The following ST8SIA3 variants were observed in gnomAD, a reference collection of about 807,000 sequenced individuals.
The protein encoded by ST8SIA3 is alpha-N-acetylneuraminate alpha-2,8-sialyltransferase ST8SIA3.
ST8SIA3 carries 17 observed loss-of-function variants against 34.5 expected under a neutral mutation model. The ratio of observed to expected loss-of-function variants is 0.49; its 90% CI spans 0.34 to 0.74. ST8SIA3 has a LOEUF of 0.74. Among genes scored for constraint, ST8SIA3 ranks in the 30% least tolerant of loss-of-function variants. The pLI is 0.01. For missense variants in ST8SIA3, 354 were observed against 467.8 expected (o/e 0.76, Z 2.24); for synonymous variants, 172 against 176.1 (o/e 0.98, Z 0.19).
In ST8SIA3 at chr18:57,364,709, T is replaced by C. The variant is rs1448112637; in HGVS notation, c.*4432T>C. On this transcript the variant is annotated 3_prime_UTR_variant, in exon 4 of 4. Transcript: ENST00000324000. ...GACCTGTCTGGACTCTGTGGCCCAATTAATCGAGGCCACAGATCAGTTGGT... is the reference window on the plus strand; with the variant it reads ...GACCTGTCTGGACTCTGTGGCCCAACTAATCGAGGCCACAGATCAGTTGGT... 2 of 152,734 alleles carry C rather than the reference T, an allele frequency of 1.3e-5. No homozygotes were observed. Among genetic ancestry groups the C allele is most frequent in the East Asian group, 3.9e-4 (2 of 5,188 alleles). 9.5% of individuals were successfully genotyped at this position (152,734 alleles called of 1,614,324 possible).
rs768070918 is a variant in ST8SIA3, at chr18:57,352,810, G to T, written c.-37G>T. The T allele has an allele frequency of 6.3e-7, 1 of 1,597,584 alleles. No homozygotes were observed. Among genetic ancestry groups the T allele is most frequent in the East Asian group, 2.2e-5 (1 of 44,636 alleles). ...CGAGCTGCTGGCCGCTCAATGGACCGATTTCCCCGGTTTCCCTGAACCCAG... is the reference window on the plus strand; with the variant it reads ...CGAGCTGCTGGCCGCTCAATGGACCTATTTCCCCGGTTTCCCTGAACCCAG... On this transcript the variant is annotated 5_prime_UTR_variant, in exon 1 of 4. Coordinates refer to ENST00000324000, the MANE Select transcript of ST8SIA3 (RefSeq NM_015879.3).
chr18:57,352,611 G>T lies in ST8SIA3; in HGVS notation c.-236G>T. The T allele has an allele frequency of 1.9e-6, 1 of 521,626 alleles. No homozygotes were observed. Among genetic ancestry groups the T allele is most frequent in the East Asian group, 7.1e-5 (1 of 14,110 alleles). The allele number at this position is 521,626 out of a possible 1,614,324, so 32.3% of individuals were successfully genotyped here. On this transcript the variant is annotated 5_prime_UTR_variant, in exon 1 of 4. Transcript: ENST00000324000. ...ATCTTCCTGCTCGGCACCGGGCCCCGCGCGCCCCTGCCTACGGGGTCCCGC... is the reference window on the plus strand; with the variant it reads ...ATCTTCCTGCTCGGCACCGGGCCCCTCGCGCCCCTGCCTACGGGGTCCCGC...
At chr18:57,354,322 C>T (rs2049785630) in intron 1 of ST8SIA3, 80 bp from the exon 2 acceptor site, 5 of 1,588,874 alleles carry the variant, frequency 3.1e-6, no homozygotes, top group Non-Finnish European at 3.4e-6. Context: ...GCCCTCGCCC[C>T]AGCCGCTGCA....
chr18:57,354,439 G>A lies in ST8SIA3; in HGVS notation c.217G>A (p.Val73Met), dbSNP rs373560582. Residue 73 changes from valine to methionine, a missense_variant, in exon 2 of 4, where the codon GTG becomes ATG. Physicochemically the swap from Val to Met is conservative, Grantham distance 21. Transcript: ENST00000324000. ...FALKFLDPSFVPITNSLTQEL... is the reference protein window; with the variant it reads ...FALKFLDPSFMPITNSLTQEL... ...GCTGAAGTTTCTAGACCCGTCATTC[G>A]TGCCCATTACGAATTCTCTCACCCA... The A allele has an allele frequency of 1.2e-6, 2 of 1,614,002 alleles. No individual in the cohort carries two copies. Among genetic ancestry groups the A allele is most frequent in the African/African-American group, 1.3e-5 (1 of 74,910 alleles).
At position 57,359,231 on chromosome 18, in the gene ST8SIA3, G is replaced by A. The variant is rs374120610; in HGVS notation, c.861-764G>A. On this transcript the variant is annotated intron_variant, in intron 3 of 3. Transcript: ENST00000324000. ...CACATAGAAGCCTCAAATATTTGGC[G>A]GTGTCAGCAGGAAGGCTTCAGAGTA... 9.2e-5 allele frequency among the ~76,000 whole-genome samples: 14 copies of A among 152,072 alleles called. No homozygotes were observed. In the East Asian group the frequency reaches 2.5e-3, roughly 27 times the overall value.
At chr18:57,354,345 C>T in intron 1 of ST8SIA3, 57 bp from the exon 2 acceptor site, 1 of 1,606,894 alleles carries the variant, frequency 6.2e-7, no homozygotes, top group Non-Finnish European at 8.5e-7. Context: ...TTAATGGCTA[C>T]CTCGGCTTCC....
In ST8SIA3 at chr18:57,367,705, T is replaced by A. The variant is rs748969383; in HGVS notation, c.*7428T>A. 4.6e-5 allele frequency: 7 copies of A among 152,442 alleles called. No homozygotes were observed. Among genetic ancestry groups the A allele is most frequent in the Non-Finnish European group, 8.8e-5 (6 of 68,042 alleles). 9.4% of individuals were successfully genotyped at this position (152,442 alleles called of 1,614,324 possible). On this transcript the variant is annotated 3_prime_UTR_variant, in exon 4 of 4. Transcript: ENST00000324000. ...CAAAAAGAAGAGGGAGGTTTCCCTC[T>A]GAAGGAATCTAGACCATTTTTTAAT... is the stretch of plus-strand genomic sequence containing the variant.
In ST8SIA3 at chr18:57,356,967, T is replaced by G. The variant is rs1351115191; in HGVS notation, c.357T>G (p.Asn119Lys). Residue 119 changes from asparagine (N) to lysine (K), a missense_variant, in exon 3 of 4, where the codon AAT becomes AAG. Coordinates refer to ENST00000324000, the MANE Select transcript of ST8SIA3 (RefSeq NM_015879.3). ...DVIKNFSLTK[N>K]SVRIGQLMHY... ...TAAAAAATTTTTCTTTGACCAAGAA[T>G]AGTGTTCGGATTGGACAACTGATGC... 6.2e-7 allele frequency: 1 copy of G among 1,612,664 alleles called. No homozygotes were observed. The highest frequency in any genetic ancestry group is 2.2e-5 in the East Asian group (1 of 44,868).
chr18:57,365,144 G>A lies in ST8SIA3; in HGVS notation c.*4867G>A, dbSNP rs769396894. On this transcript the variant is annotated 3_prime_UTR_variant, in exon 4 of 4. Coordinates refer to ENST00000324000, the MANE Select transcript of ST8SIA3 (RefSeq NM_015879.3). The stretch of plus-strand genomic sequence containing the variant: ...CTGGACCTTTGATTCATAATGTCCT[G>A]GGATAAGTCCAACTTACAAAGATTC... 1.3e-5 allele frequency: 2 copies of A among 152,146 alleles called. No homozygotes were observed. The highest frequency in any genetic ancestry group is 2.9e-5 in the Non-Finnish European group (2 of 68,026). The allele number at this position is 152,146 out of a possible 1,614,324, so 9.4% of individuals were successfully genotyped here. A position where few individuals can be genotyped will look rare whatever the true frequency, so the allele number is the denominator to read the frequency against.
chr18:57,353,127 C>G, intron 1 of ST8SIA3, 102 bp downstream of exon 1: 2 of 1,194,364 alleles, frequency 1.7e-6, no homozygotes, highest in Non-Finnish European at 2.4e-6. Flanking sequence ...CTCCGAGACT[C>G]TTTGGGCCAG....
At position 57,354,457 on chromosome 18, in the gene ST8SIA3, C is replaced by G; in HGVS notation, c.235C>G (p.Leu79Val). ...DPSFVPITNS[L>V]TQELQEKPSK... ...GTCATTCGTGCCCATTACGAATTCT[C>G]TCACCCAGGAACTCCAAGAGAAACC... The change falls in exon 2 of 4, where the codon CTC (leucine) becomes GTC (valine). Residue 79 changes from leucine to valine, a missense_variant. Physicochemically the swap from Leu to Val is conservative, Grantham distance 32. This residue lies in a region of ST8SIA3 where 184 missense variants were observed against 205.4 expected (regional missense o/e 0.90). Coordinates refer to ENST00000324000, the MANE Select transcript of ST8SIA3 (RefSeq NM_015879.3). 2 of 1,614,180 alleles carry G rather than the reference C, an allele frequency of 1.2e-6. No individual in the cohort carries two copies. The highest frequency in any genetic ancestry group is 1.7e-6 in the Non-Finnish European group (2 of 1,180,030).
In ST8SIA3 at chr18:57,367,098, T is replaced by A. The variant is rs1281690221; in HGVS notation, c.*6821T>A. The A allele has an allele frequency of 6.6e-6, 1 of 152,178 alleles. No homozygotes were observed. The highest frequency in any genetic ancestry group is 1.5e-5 in the Non-Finnish European group (1 of 68,024). The allele number at this position is 152,178 out of a possible 1,614,324, so 9.4% of individuals were successfully genotyped here. On this transcript the variant is annotated 3_prime_UTR_variant, in exon 4 of 4. Transcript: ENST00000324000. ...AATGCTGGGAAAAAATATGCCTAATTCCTAGGACACAGTGAGTGGCCGTAA... is the reference window on the plus strand; with the variant it reads ...AATGCTGGGAAAAAATATGCCTAATACCTAGGACACAGTGAGTGGCCGTAA...
At chr18:57,353,076 G>A (rs763738745) in intron 1 of ST8SIA3, 51 bp downstream of exon 1, 3 of 1,582,762 alleles carry the variant, frequency 1.9e-6, no homozygotes, top group Non-Finnish European at 2.6e-6. Flanking sequence ...TTGATGGGGT[G>A]TTTGGGGAAG....
chr18:57,357,076 A>G lies in ST8SIA3; in HGVS notation c.466A>G (p.Asn156Asp), dbSNP rs1345347633. The change falls in exon 3 of 4, where the codon AAC becomes GAC. Residue 156 changes from asparagine (N) to aspartate (D), a missense_variant. This residue lies in a region of ST8SIA3 where 184 missense variants were observed against 205.4 expected (regional missense o/e 0.90). Coordinates refer to ENST00000324000, the MANE Select transcript of ST8SIA3 (RefSeq NM_015879.3). ...SLLPDVSPIM[N>D]KHYNICAVVG... The stretch of plus-strand genomic sequence containing the variant: ...TCTTCCAGATGTGTCACCCATTATG[A>G]ACAAGCATTATAATATTTGTGCTGT... 1 of 1,614,132 alleles carries G rather than the reference A, an allele frequency of 6.2e-7. No individual in the cohort carries two copies. The highest frequency in any genetic ancestry group is 1.3e-5 in the African/African-American group (1 of 75,056).
intron 1 of ST8SIA3, 31 bp downstream of exon 1, chr18:57,353,056 G>A (rs1318111167): frequency 2.5e-6 from 4 of 1,594,632 alleles, no homozygotes; most frequent in Middle Eastern, 1.7e-4. Flanking sequence ...TAGTGCCCTC[G>A]GGAATTTGGT....
chr18:57,357,940 G>A (rs898661121), intron 3 of ST8SIA3, among the ~76,000 whole-genome samples: 2 of 152,152 alleles, frequency 1.3e-5, no homozygotes, highest in Non-Finnish European at 2.9e-5. Context: ...TGCACAATCT[G>A]CCTTTATAAT....
rs561647389 is a variant in ST8SIA3 at position 57,364,522 on chromosome 18, A to T, written c.*4245A>T. On this transcript the variant is annotated 3_prime_UTR_variant, in exon 4 of 4. Coordinates refer to ENST00000324000, the MANE Select transcript of ST8SIA3 (RefSeq NM_015879.3). ...GATTCTTAAAACCTTTTTTCCCATA[A>T]TTGTTTGAATGCACTAGGCACAAGT... 6.6e-6 allele frequency: 1 copy of T among 152,282 alleles called. No homozygotes were observed. The highest frequency in any genetic ancestry group is 1.5e-5 in the Non-Finnish European group (1 of 68,014). 9.4% of individuals were successfully genotyped at this position (152,282 alleles called of 1,614,324 possible).
rs1338202922 is a variant in ST8SIA3, at chr18:57,367,845, G to A, written c.*7568G>A. The A allele has an allele frequency of 6.5e-6, 1 of 152,680 alleles. No homozygotes were observed. Among genetic ancestry groups the A allele is most frequent in the Non-Finnish European group, 1.5e-5 (1 of 68,080 alleles). 9.5% of individuals were successfully genotyped at this position (152,680 alleles called of 1,614,324 possible). On this transcript the variant is annotated 3_prime_UTR_variant, in exon 4 of 4. Coordinates refer to ENST00000324000, the MANE Select transcript of ST8SIA3 (RefSeq NM_015879.3). The stretch of plus-strand genomic sequence containing the variant: ...GAGCGCTTACAGCCAAGAGCCCTGG[G>A]AGGAGTTGAGTAACAGGCTGAGATC...
intron 1 of ST8SIA3, among the ~76,000 whole-genome samples, chr18:57,353,688 G>C (rs1039536086): frequency 6.6e-6 from 1 of 152,108 alleles, no homozygotes; most frequent in African/African-American, 2.4e-5. Context: ...ACCGCTCCGC[G>C]CTGGGCCGGC....
Sources: allele counts gnomAD v4.1 joint callset (sites outside exome capture counted in the v4.1 genomes callset), GRCh38; gene constraint gnomAD v4.1.1; regional missense constraint gnomAD v4.1.1; transcripts MANE v1.5; gene names NCBI Gene and HGNC (gene_info 2026-07-23, HGNC 2026-07-21).